ATP6V0B: variants seen among roughly 807,000 people sequenced by gnomAD.
ATP6V0B encodes ATPase H+ transporting V0 subunit b, also known as V-type proton ATPase 21 kDa proteolipid subunit c''.
In ATP6V0B, 4 loss-of-function variants were observed where a neutral mutation model predicts 26.2. That is an observed-to-expected ratio of 0.15 (90% CI 0.08 to 0.35). The LOEUF (loss-of-function observed/expected upper bound fraction) is 0.35, where lower values mean the gene tolerates loss of function less well. Ranked by LOEUF, ATP6V0B falls within the 10% of genes least tolerant of loss-of-function variation. The probability of loss-of-function intolerance (pLI) is 1.00; values close to 1 mark genes in which losing one functional copy is unlikely to be tolerated. For synonymous variants in ATP6V0B, 110 were observed against 105.8 expected (o/e 1.04, Z -0.24); for missense variants, 175 against 272.5 (o/e 0.64, Z 2.52).
At chr1:43,977,240 T>C in intron 7 of ATP6V0B, 24 bp downstream of exon 7, 2 of 1,614,188 alleles carry the variant, frequency 1.2e-6, no homozygotes, top group Non-Finnish European at 1.7e-6. Flanking sequence ...TTGGGAAGCC[T>C]CTGTGTCCTT....
chr1:43,977,947 T>G, intron 7 of ATP6V0B, 34 bp from the exon 8 acceptor site: 1 of 1,614,234 alleles, frequency 6.2e-7, no homozygotes, highest in Non-Finnish European at 8.5e-7. Context: ...TATTCCTCTG[T>G]CCCTGCCTGA....
In ATP6V0B at chr1:43,975,812, C is replaced by T; in HGVS notation, c.80C>T (p.Thr27Ile). Residue 27 changes from threonine (T) to isoleucine (I), a missense_variant, in exon 2 of 8, where the codon ACC (threonine) becomes ATC (isoleucine). Coordinates refer to ENST00000472174, the MANE Select transcript of ATP6V0B (RefSeq NM_004047.5). ...CTCACTGCTGCAGGAGTCTGCTACA[C>T]CATTTTTGATTTGGGCTTCCGCTTT... is the stretch of plus-strand genomic sequence containing the variant. ...ACALAVGVCY[T>I]IFDLGFRFDV... 6.2e-7 allele frequency: 1 copy of T among 1,601,124 alleles called. No homozygotes were observed. The highest frequency in any genetic ancestry group is 8.5e-7 in the Non-Finnish European group (1 of 1,172,770).
chr1:43,976,427 G>A lies in ATP6V0B; in HGVS notation c.278+48G>A, dbSNP rs1355853333. The A allele has an allele frequency of 4.5e-6, 7 of 1,565,764 alleles. No homozygotes were observed. The East Asian group carries it at 6.7e-5, about 15-fold the overall frequency. On this transcript the variant is annotated intron_variant, in intron 4 of 7. Transcript: ENST00000472174. This position sits in a 1 kb window ranked among gnomAD's most constrained non-coding sequence, Gnocchi z 4.6. The stretch of plus-strand genomic sequence containing the variant: ...TTTTGTCAGAACCAGCTGTGTTGGC[G>A]CTGCCTGTGTGTTTGATCTGACATA...
chr1:43,977,810 T>C (rs2085539518), intron 7 of ATP6V0B, 171 bp from the exon 8 acceptor site: 1 of 1,562,270 alleles, frequency 6.4e-7, no homozygotes. Flanking sequence ...CGTAACTCTG[T>C]GGTTGTCTGT....
Position 43,978,074 on chromosome 1 carries a change from CTG to C in ATP6V0B, c.*71_*72del. On this transcript the variant is annotated 3_prime_UTR_variant, in exon 8 of 8. Coordinates refer to ENST00000472174, the MANE Select transcript of ATP6V0B (RefSeq NM_004047.5). Reference sequence around the variant, plus strand: ...GCTGGTTTTCCTGGGACAGCTGGAGCTGTGTCCCTTAGCCTTTCAGAGGCTTG... The same window carrying C: ...GCTGGTTTTCCTGGGACAGCTGGAGCTGTCCCTTAGCCTTTCAGAGGCTTG... 6.2e-7 allele frequency: 1 copy of C among 1,608,276 alleles called. No individual in the cohort carries two copies. The highest frequency in any genetic ancestry group is 1.3e-5 in the African/African-American group (1 of 74,894).
At position 43,977,236 on chromosome 1, in the gene ATP6V0B, A is replaced by G. The variant is rs751278468; in HGVS notation, c.591+20A>G. 2 of 1,614,198 alleles carry G rather than the reference A, an allele frequency of 1.2e-6. No individual in the cohort carries two copies. Among genetic ancestry groups the G allele is most frequent in the Non-Finnish European group, 1.7e-6 (2 of 1,180,044 alleles). On this transcript the variant is annotated intron_variant, in intron 7 of 7. Coordinates refer to ENST00000472174, the MANE Select transcript of ATP6V0B (RefSeq NM_004047.5). ...CTTCAGGTGATGAATCCCCTTGGGAAGCCTCTGTGTCCTTGTCCCCAACCT... is the reference window on the plus strand; with the variant it reads ...CTTCAGGTGATGAATCCCCTTGGGAGGCCTCTGTGTCCTTGTCCCCAACCT...
At chr1:43,977,245 G>A (rs375872427) in intron 7 of ATP6V0B, 29 bp downstream of exon 7, 166 of 1,614,054 alleles carry the variant, frequency 1.0e-4, no homozygotes, top group Non-Finnish European at 1.4e-4. Flanking sequence ...AAGCCTCTGT[G>A]TCCTTGTCCC....
Position 43,976,553 on chromosome 1 carries a change from C to T in ATP6V0B, c.279-37C>T. 6.2e-7 allele frequency: 1 copy of T among 1,609,238 alleles called. No homozygotes were observed. Among genetic ancestry groups the T allele is most frequent in the Non-Finnish European group, 8.5e-7 (1 of 1,175,758 alleles). On this transcript the variant is annotated intron_variant, in intron 4 of 7. Coordinates refer to ENST00000472174, the MANE Select transcript of ATP6V0B (RefSeq NM_004047.5). The surrounding 1 kb of genome is among the most constrained non-coding windows in gnomAD (Gnocchi z 4.6). ...ACGGTTTCTTTCTCATTTCTTTCTC[C>T]TTTCCACTCCTTACCCCTAATCTCT...
At chr1:43,975,684 C>G in intron 1 of ATP6V0B, 116 bp from the exon 2 acceptor site, 1 of 1,147,290 alleles carries the variant, frequency 8.7e-7, no homozygotes, top group Non-Finnish European at 1.3e-6. Context: ...CACCTGGGGG[C>G]AGCCTGAGGA....
At position 43,975,982 on chromosome 1, in the gene ATP6V0B, G is replaced by GT. The variant is rs1234317369; in HGVS notation, c.117-106dup. ...ACCTTTGGGAAATACGCGGTCAGTT[G>GT]TTGCCTGTAGAACTGGTGGTGGGGT... On this transcript the variant is annotated intron_variant, in intron 2 of 7. Transcript: ENST00000472174. 3 of 1,519,502 alleles carry GT rather than the reference G, an allele frequency of 2.0e-6. No individual in the cohort carries two copies. In the African/African-American group the frequency reaches 4.1e-5, roughly 21 times the overall value. 94.1% of individuals were successfully genotyped at this position (1,519,502 alleles called of 1,614,324 possible).
chr1:43,975,149 A>G, intron 1 of ATP6V0B, 42 bp downstream of exon 1: 1 of 1,406,772 alleles, frequency 7.1e-7, no homozygotes, highest in Non-Finnish European at 9.2e-7. Context: ...ATCGCGGCCG[A>G]GCTGGCCGGG....
At chr1:43,975,962 T>C in intron 2 of ATP6V0B, 114 bp downstream of exon 2, 3 of 1,513,140 alleles carry the variant, frequency 2.0e-6, no homozygotes, top group Non-Finnish European at 2.7e-6. Context: ...CATGGACCTT[T>C]GGGAAATACG....
chr1:43,975,156 C>G, intron 1 of ATP6V0B, 49 bp downstream of exon 1: 2 of 1,403,398 alleles, frequency 1.4e-6, no homozygotes, highest in South Asian at 1.5e-5. Context: ...CCGAGCTGGC[C>G]GGGTCGGAAC....
chr1:43,977,298 C>T (rs768969383), intron 7 of ATP6V0B, 82 bp downstream of exon 7: 74 of 1,611,952 alleles, frequency 4.6e-5, no homozygotes, highest in Non-Finnish European at 5.8e-5. Flanking sequence ...GAAGTGCTCT[C>T]CTTCTCTACC....
Position 43,977,054 on chromosome 1 carries a change from C to T in ATP6V0B, c.429C>T (p.Thr143=), listed in dbSNP as rs766957362. 66 of 1,611,042 alleles carry T rather than the reference C, an allele frequency of 4.1e-5. No homozygotes were observed. Among genetic ancestry groups the T allele is most frequent in the Non-Finnish European group, 5.2e-5 (61 of 1,177,810 alleles). The change falls in exon 7 of 8, where the codon ACC becomes ACT. Residue 143 remains threonine, a synonymous_variant. Transcript: ENST00000472174. ...ACTCCATGTTTGGGGCTGGCCTCACCGTAGGCCTGTCTAACCTCTTCTGTG... is the reference window on the plus strand; with the variant it reads ...ACTCCATGTTTGGGGCTGGCCTCACTGTAGGCCTGTCTAACCTCTTCTGTG... ...AGYSMFGAGL[T]VGLSNLFCGV...
In ATP6V0B at chr1:43,977,089, T is replaced by C. The variant is rs2085528417; in HGVS notation, c.464T>C (p.Val155Ala). Residue 155 changes from valine (V) to alanine (A), a missense_variant, in exon 7 of 8, where the codon GTG becomes GCG. By Grantham distance (64) the Val-to-Ala change is moderately conservative. This residue lies in a region of ATP6V0B where 97 missense variants were observed against 158.0 expected (regional missense o/e 0.61). Coordinates refer to ENST00000472174, the MANE Select transcript of ATP6V0B (RefSeq NM_004047.5). ...TCTAACCTCTTCTGTGGAGTCTGCG[T>C]GGGCATCGTGGGCAGTGGGGCTGCC... is the stretch of plus-strand genomic sequence containing the variant. ...GLSNLFCGVC[V>A]GIVGSGAALA... 6.2e-7 allele frequency: 1 copy of C among 1,614,098 alleles called. No homozygotes were observed. Among genetic ancestry groups the C allele is most frequent in the Non-Finnish European group, 8.5e-7 (1 of 1,180,014 alleles).
chr1:43,977,650 T>C (rs1479924420), intron 7 of ATP6V0B: 63 of 1,422,264 alleles, frequency 4.4e-5, no homozygotes, highest in Non-Finnish European at 5.0e-5. Context: ...CACCATTGTC[T>C]AAATTGTGTG....
chr1:43,975,862 G>A lies in ATP6V0B; in HGVS notation c.116+14G>A. 6.3e-7 allele frequency: 1 copy of A among 1,585,996 alleles called. No homozygotes were observed. Among genetic ancestry groups the A allele is most frequent in the Non-Finnish European group, 8.6e-7 (1 of 1,164,712 alleles). On this transcript the variant is annotated intron_variant, in intron 2 of 7. Transcript: ENST00000472174. ...TGATGTGGCATGGTAAGGGAGGGCAGGGGGAGGATTCCCCTTGAAGCTTCT... is the reference window on the plus strand; with the variant it reads ...TGATGTGGCATGGTAAGGGAGGGCAAGGGGAGGATTCCCCTTGAAGCTTCT...
In ATP6V0B at chr1:43,977,909, ATCT is replaced by A. The variant is rs1351568787; in HGVS notation, c.592-68_592-66del. 2.5e-6 allele frequency: 4 copies of A among 1,613,962 alleles called. No homozygotes were observed. The South Asian group carries it at 3.3e-5, about 13-fold the overall frequency. On this transcript the variant is annotated intron_variant, in intron 7 of 7. Coordinates refer to ENST00000472174, the MANE Select transcript of ATP6V0B (RefSeq NM_004047.5). ...TCCATCCAACCATGTGCTAGATGTCATCTTCTATCATTTGTCACTGCCTTACCT... is the reference window on the plus strand; with the variant it reads ...TCCATCCAACCATGTGCTAGATGTCATCTATCATTTGTCACTGCCTTACCT...
Sources: allele counts gnomAD v4.1 joint callset, GRCh38; gene constraint gnomAD v4.1.1; regional missense constraint gnomAD v4.1.1; non-coding constraint Gnocchi (gnomAD v3.1); transcripts MANE v1.5; gene names NCBI Gene and HGNC (gene_info 2026-07-23, HGNC 2026-07-21).